PCGF5: variants seen among roughly 807,000 people sequenced by gnomAD.
PCGF5 encodes polycomb group ring finger 5.
PCGF5 carries 9 observed loss-of-function variants against 44.3 expected under a neutral mutation model. The ratio of observed to expected loss-of-function variants is 0.20; its 90% confidence interval spans 0.12 to 0.35. The LOEUF (loss-of-function observed/expected upper bound fraction) is 0.35, where lower values mean the gene tolerates loss of function less well. PCGF5 is among the 10% of genes least tolerant of loss of function. PCGF5 has a pLI of 1.00. For synonymous variants in PCGF5, 95 were observed against 102.5 expected, an observed-to-expected ratio of 0.93 and a Z score of 0.44; for missense variants, 146 against 305.3, an observed-to-expected ratio of 0.48 and a Z score of 3.89.
At chr10:91,214,672 A>G (rs1413285663) in intron 1 of PCGF5, among the ~76,000 whole-genome samples, 1 of 152,216 alleles carries the variant, frequency 6.6e-6, no homozygotes, top group East Asian at 1.9e-4. Flanking sequence ...GCACACTGGT[A>G]GAGGAGCACG....
At chr10:91,202,499 T>A (rs1844270898) in intron 1 of PCGF5, among the ~76,000 whole-genome samples, 1 of 152,236 alleles carries the variant, frequency 6.6e-6, no homozygotes, top group Non-Finnish European at 1.5e-5. Flanking sequence ...AGGATAAATT[T>A]GTAAGCTCTT....
rs1477559669 is a variant in PCGF5 at position 91,281,188 on chromosome 10, C to T, written c.*2872C>T. 6.6e-6 allele frequency: 1 copy of T among 152,362 alleles called. No individual in the cohort carries two copies. The highest frequency in any genetic ancestry group is 1.5e-5 in the Non-Finnish European group (1 of 67,892). The allele number at this position is 152,362 out of a possible 1,614,324, so 9.4% of individuals were successfully genotyped here. A position where few individuals can be genotyped will look rare whatever the true frequency, so the allele number is the denominator to read the frequency against. On this transcript the variant is annotated 3_prime_UTR_variant, in exon 10 of 10. Transcript: ENST00000336126. ...AAGTATGAAAAAATAAACTAAAATG[C>T]TCATTGATGAGGTAATACTCAGTCT... is the stretch of plus-strand genomic sequence containing the variant.
chr10:91,164,163 C>T (rs534025964), intron 1 of PCGF5, among the ~76,000 whole-genome samples: 16 of 152,276 alleles, frequency 1.1e-4, no homozygotes, highest in Admixed American at 7.8e-4. Flanking sequence ...GAGAGTGGCC[C>T]CTCTGCAGTG....
intron 1 of PCGF5, among the ~76,000 whole-genome samples, chr10:91,206,214 T>G (rs1435474660): frequency 6.6e-6 from 1 of 151,964 alleles, no homozygotes; most frequent in Non-Finnish European, 1.5e-5. Flanking sequence ...GCTCCTGCCG[T>G]CAAGGAGCTG....
rs71487496 is a variant in PCGF5, at chr10:91,238,601, C to CTTTTT, written c.113-1857_113-1853dup. On this transcript the variant is annotated intron_variant, in intron 2 of 9. Coordinates refer to ENST00000336126, the MANE Select transcript of PCGF5 (RefSeq NM_032373.5). ...CTCTCATTTCTTTCTTTCTTTCTTT[C>CTTTTT]TTTTTTTTTTTTTTTTTTTTTTTTT... 3.9e-3 allele frequency among the ~76,000 whole-genome samples: 227 copies of CTTTTT among 58,494 alleles called. 5 individuals carry two copies. Among genetic ancestry groups the CTTTTT allele is most frequent in the Non-Finnish European group, 5.0e-3 (165 of 32,774 alleles). 38.4% of individuals were successfully genotyped at this position (58,494 alleles called of 152,430 possible).
At chr10:91,236,934 A>T (rs1182027869) in intron 2 of PCGF5, among the ~76,000 whole-genome samples, 1 of 152,222 alleles carries the variant, frequency 6.6e-6, no homozygotes, top group Non-Finnish European at 1.5e-5. Context: ...GTACAAGTAG[A>T]CATATTTAAG....
chr10:91,222,083 G>A (rs1332250273), intron 1 of PCGF5, among the ~76,000 whole-genome samples: 1 of 152,154 alleles, frequency 6.6e-6, no homozygotes, highest in Non-Finnish European at 1.5e-5. Context: ...ACCTGTAGAA[G>A]GTCTTATGTG....
intron 6 of PCGF5, among the ~76,000 whole-genome samples, chr10:91,251,794 C>T (rs1183111620): frequency 1.3e-5 from 2 of 151,938 alleles, no homozygotes; most frequent in Non-Finnish European, 2.9e-5. Context: ...TTTATTCATT[C>T]TCTTCTAATT....
At chr10:91,271,589 G>C (rs1392626968) in intron 8 of PCGF5, 49 bp from the exon 9 acceptor site, 5 of 1,415,182 alleles carry the variant, frequency 3.5e-6, no homozygotes, top group South Asian at 1.2e-5. Context: ...TTTTAAATAT[G>C]TGTCCAGTTG....
chr10:91,241,768 A>G (rs1845334283), intron 3 of PCGF5, among the ~76,000 whole-genome samples: 1 of 151,758 alleles, frequency 6.6e-6, no homozygotes, highest in African/African-American at 2.4e-5. Context: ...CCATCATTCT[A>G]TAAATCTGGA....
intron 6 of PCGF5, among the ~76,000 whole-genome samples, chr10:91,259,596 A>T (rs977791700): frequency 6.6e-6 from 1 of 152,220 alleles, no homozygotes; most frequent in Non-Finnish European, 1.5e-5. Flanking sequence ...TAACCAAAAC[A>T]GCATGGTACT....
chr10:91,270,409 T>C (rs1009727345), intron 8 of PCGF5, among the ~76,000 whole-genome samples: 1 of 151,110 alleles, frequency 6.6e-6, no homozygotes, highest in Non-Finnish European at 1.5e-5. Context: ...CTTAGTGAAA[T>C]TGCCACTTTC....
chr10:91,201,881 TGTG>T (rs1844258582), intron 1 of PCGF5, among the ~76,000 whole-genome samples: 1 of 152,200 alleles, frequency 6.6e-6, no homozygotes, highest in Non-Finnish European at 1.5e-5. Context: ...TGTGCTTTAA[TGTG>T]GTGATTTCCA....
At chr10:91,230,507 T>C (rs1844973574) in intron 2 of PCGF5, among the ~76,000 whole-genome samples, 1 of 152,208 alleles carries the variant, frequency 6.6e-6, no homozygotes. Flanking sequence ...TCTCAGAATA[T>C]ATATGTATTC....
chr10:91,227,508 C>G, intron 2 of PCGF5: 15 of 1,250,524 alleles, frequency 1.2e-5, no homozygotes, highest in Non-Finnish European at 1.5e-5. Flanking sequence ...GCTGGTCTCT[C>G]TCTTTAATAC....
At chr10:91,164,332 G>T (rs1322291228) in intron 1 of PCGF5, among the ~76,000 whole-genome samples, 1 of 152,194 alleles carries the variant, frequency 6.6e-6, no homozygotes. Flanking sequence ...CTTTTGGGGG[G>T]TCAGGGTCCA....
chr10:91,243,970 T>C (rs909846030), intron 3 of PCGF5, among the ~76,000 whole-genome samples: 4 of 152,210 alleles, frequency 2.6e-5, no homozygotes, highest in African/African-American at 9.6e-5. Flanking sequence ...TCAGCAAATA[T>C]TTACTGGATG....
At chr10:91,260,954 CATA>C (rs375770054) in intron 6 of PCGF5, among the ~76,000 whole-genome samples, 19,502 of 149,700 alleles carry the variant, frequency 0.13, 2,337 homozygotes, top group African/African-American at 0.32. Context: ...AAACTTAAAG[CATA>C]ATAATAATAA....
intron 1 of PCGF5, among the ~76,000 whole-genome samples, chr10:91,187,665 G>A (rs1053451219): frequency 6.6e-6 from 1 of 152,110 alleles, no homozygotes; most frequent in African/African-American, 2.4e-5. Flanking sequence ...TGGGGAAAGT[G>A]TATTATATAC....
Sources: gnomAD v4.1 joint callset for allele counts (sites outside exome capture counted in the v4.1 genomes callset) on GRCh38, gnomAD v4.1.1 for gene constraint, MANE v1.5 for transcripts, NCBI Gene and HGNC (gene_info 2026-07-23, HGNC 2026-07-21) for gene names.